The following PASK variants were observed in gnomAD, a reference collection of about 807,000 sequenced individuals.
PASK encodes the protein PAS domain-containing serine/threonine-protein kinase.
Under a neutral mutation model 121.0 loss-of-function variants are expected in PASK, and 110 were observed. The observed-to-expected ratio is 0.91, with a 90% CI of 0.78 to 1.06. The LOEUF (loss-of-function observed/expected upper bound fraction) is 1.06. Ranked by LOEUF, PASK falls within the 50% of genes least tolerant of loss-of-function variation. The pLI is 0.00. For synonymous variants in PASK, 686 were observed against 717.8 expected (o/e 0.96, Z 0.71); for missense variants, 1,643 against 1,702.3 (o/e 0.97, Z 0.61).
intron 12 of PASK, among the ~76,000 whole-genome samples, chr2:241,117,967 C>G (rs1575250850): frequency 6.6e-6 from 1 of 152,088 alleles, no homozygotes; most frequent in Non-Finnish European, 1.5e-5. Flanking sequence ...AACAACAAGA[C>G]TTGTACACTG....
At chr2:241,115,243 T>G (rs376138791) in intron 13 of PASK, 45 bp downstream of exon 13, 1 of 1,614,006 alleles carries the variant, frequency 6.2e-7, no homozygotes, top group Non-Finnish European at 8.5e-7. Flanking sequence ...TTGAAGACAT[T>G]TGACATGAGC....
intron 1 of PASK, among the ~76,000 whole-genome samples, chr2:241,144,124 G>T (rs1166963249): frequency 1.3e-5 from 2 of 152,004 alleles, no homozygotes; most frequent in African/African-American, 4.8e-5. Context: ...GTGCGTGTGT[G>T]TGCGTGTGCA....
chr2:241,110,269 T>G (rs747463018), intron 15 of PASK, among the ~76,000 whole-genome samples: 11 of 151,902 alleles, frequency 7.2e-5, no homozygotes, highest in Non-Finnish European at 1.5e-4. Context: ...ATAGAGAAAA[T>G]AGCAGAATGG....
chr2:241,149,983 G>A (rs548157544), upstream of PASK: 4 of 1,418,374 alleles, frequency 2.8e-6, no homozygotes, highest in South Asian at 3.0e-5. Flanking sequence ...CGGGGACGCC[G>A]GGAGAATGTT....
At position 241,106,357 on chromosome 2, in the gene PASK, G is replaced by A; in HGVS notation, c.*209C>T. 1.6e-6 allele frequency: 1 copy of A among 621,014 alleles called. No homozygotes were observed. The highest frequency in any genetic ancestry group is 1.9e-5 in the South Asian group (1 of 52,148). 38.5% of individuals were successfully genotyped at this position (621,014 alleles called of 1,614,324 possible). A position where few individuals can be genotyped will look rare whatever the true frequency, so the allele number is the denominator to read the frequency against. On this transcript the variant is annotated 3_prime_UTR_variant, in exon 18 of 18. Coordinates refer to ENST00000234040, the MANE Select transcript of PASK (RefSeq NM_015148.4). ...TGAACACTGGAATGTTTTTTTCTAG[G>A]TCATGAAAAAAGTGAATTCCAAATC...
Position 241,127,179 on chromosome 2 carries a change from C to G in PASK, c.1736G>C (p.Ser579Thr). ...QKAQLERMGV[S>T]GPSGSDLWAG... ...CCAAAGGTCTGAACCGCTGGGACCA[C>G]TGACTCCCATCCGCTCTAGCTGGGC... The change falls in exon 10 of 18, where the codon AGT (serine) becomes ACT (threonine). Residue 579 changes from serine to threonine, a missense_variant. This residue lies in a region of PASK where 1,176 missense variants were observed against 1,162.2 expected (regional missense o/e 1.01). Transcript: ENST00000234040. The G allele has an allele frequency of 1.2e-6, 2 of 1,614,188 alleles. No homozygotes were observed. Among genetic ancestry groups the G allele is most frequent in the Non-Finnish European group, 8.5e-7 (1 of 1,180,022 alleles).
At chr2:241,149,668 C>A, upstream of PASK, 1 of 1,545,846 alleles carries the variant, frequency 6.5e-7, no homozygotes. Context: ...CGCCCCCGGG[C>A]CGGGCAGATG....
chr2:241,119,021 G>A (rs1206054276), intron 12 of PASK: 15 of 861,460 alleles, frequency 1.7e-5, no homozygotes, highest in African/African-American at 3.6e-5. Context: ...CGAGCAGCCC[G>A]TTCCCAGCCC....
chr2:241,142,811 G>C (rs1000359631), intron 2 of PASK, 26 bp downstream of exon 2: 5 of 1,534,314 alleles, frequency 3.3e-6, no homozygotes, highest in Non-Finnish European at 4.5e-6. Context: ...CACGCGCTAA[G>C]GCCTGCAGTG....
At chr2:241,117,155 G>A in intron 12 of PASK, among the ~76,000 whole-genome samples, 1 of 152,026 alleles carries the variant, frequency 6.6e-6, no homozygotes. Flanking sequence ...AGAATCATCG[G>A]AGCCTGGGCA....
At chr2:241,119,011 C>T (rs551982514) in intron 12 of PASK, 2 of 907,024 alleles carry the variant, frequency 2.2e-6, no homozygotes, top group East Asian at 9.0e-5. Context: ...CTTGCGCCAT[C>T]GAGCAGCCCG....
At chr2:241,107,867 C>T (rs552536899) in intron 16 of PASK, among the ~76,000 whole-genome samples, 75 of 152,194 alleles carry the variant, frequency 4.9e-4, no homozygotes, top group African/African-American at 1.6e-3. Flanking sequence ...CATCTGGATT[C>T]GGGCCCCAGT....
Position 241,135,944 on chromosome 2 carries a change from G to C in PASK, c.1233C>G (p.Val411=), listed in dbSNP as rs775075262. ...QLPDLASCLD[V]GNESGCGERT... ...TCTCCCCACACCCACTCTCATTGCC[G>C]ACGTCCAGGCAGCTGGCCAGGTCTG... The change falls in exon 8 of 18, where the codon GTC becomes GTG. Residue 411 remains valine (V), a synonymous_variant. Transcript: ENST00000234040. 1.2e-6 allele frequency: 2 copies of C among 1,614,116 alleles called. No homozygotes were observed. The highest frequency in any genetic ancestry group is 3.3e-5 in the Admixed American group (2 of 60,036).
intron 10 of PASK, among the ~76,000 whole-genome samples, chr2:241,125,370 G>A (rs1431413241): frequency 6.6e-6 from 1 of 151,726 alleles, no homozygotes; most frequent in Non-Finnish European, 1.5e-5. Flanking sequence ...GGAAGCCGAG[G>A]CGGGCGGATC....
At position 241,108,778 on chromosome 2, in the gene PASK, C is replaced by T. The variant is rs967231721; in HGVS notation, c.3534-478G>A. The stretch of plus-strand genomic sequence containing the variant: ...ATGCCCTTTAGGAAGATGGCTGTGG[C>T]GACGATGTGAAGGGTGCTGCAGGAC... On this transcript the variant is annotated intron_variant, in intron 15 of 17. Transcript: ENST00000234040. The surrounding 1 kb of genome is among the most constrained non-coding windows in gnomAD (Gnocchi z 5.2). 7 of 263,824 alleles carry T rather than the reference C, an allele frequency of 2.7e-5. No homozygotes were observed. The highest frequency in any genetic ancestry group is 1.1e-4 in the African/African-American group (5 of 45,534). The allele number at this position is 263,824 out of a possible 1,614,324, so 16.3% of individuals were successfully genotyped here.
At chr2:241,107,821 G>A (rs1351611797) in intron 16 of PASK, among the ~76,000 whole-genome samples, 1 of 152,208 alleles carries the variant, frequency 6.6e-6, no homozygotes, top group African/African-American at 2.4e-5. Flanking sequence ...CAGGTGAGGG[G>A]ATGCCAGCAC....
At chr2:241,132,123 A>G (rs2066172596) in intron 9 of PASK, among the ~76,000 whole-genome samples, 1 of 152,098 alleles carries the variant, frequency 6.6e-6, no homozygotes, top group African/African-American at 2.4e-5. Context: ...TGCTATGTAC[A>G]ATACGACTAT....
chr2:241,143,336 A>G (rs2066800730), intron 1 of PASK, among the ~76,000 whole-genome samples: 1 of 152,100 alleles, frequency 6.6e-6, no homozygotes, highest in South Asian at 2.1e-4. Context: ...AGGTCAGGAG[A>G]TCGAGGAGAT....
Position 241,127,457 on chromosome 2 carries a change from G to T in PASK, c.1464-6C>A. On this transcript the variant is annotated splice_region_variant and splice_polypyrimidine_tract_variant and intron_variant, in intron 9 of 17. Transcript: ENST00000234040. Reference sequence around the variant, plus strand: ...CTTCTGGGACATTGTCCACCCTGGGGATAATGACATGGGTGACCATCATGT... The same window carrying T: ...CTTCTGGGACATTGTCCACCCTGGGTATAATGACATGGGTGACCATCATGT... 7 of 1,611,672 alleles carry T rather than the reference G, an allele frequency of 4.3e-6. No homozygotes were observed. Among genetic ancestry groups the T allele is most frequent in the African/African-American group, 1.3e-5 (1 of 74,986 alleles).
Sources: gnomAD v4.1 joint callset for allele counts (sites outside exome capture counted in the v4.1 genomes callset) on GRCh38, gnomAD v4.1.1 for gene constraint, gnomAD v4.1.1 regional missense constraint, Gnocchi (gnomAD v3.1) non-coding constraint, MANE v1.5 for transcripts, NCBI Gene and HGNC (gene_info 2026-07-23, HGNC 2026-07-21) for gene names.